The following PRTFDC1 variants were observed in gnomAD, a reference collection of about 807,000 sequenced individuals.
The protein encoded by PRTFDC1 is phosphoribosyltransferase domain-containing protein 1.
A neutral mutation model predicts 34.6 loss-of-function variants in PRTFDC1; 38 were observed. That is an observed-to-expected ratio of 1.10 (90% CI 0.85 to 1.44). The LOEUF (loss-of-function observed/expected upper bound fraction) is 1.44, where lower values mean the gene tolerates loss of function less well. PRTFDC1 is among the 40% of genes most tolerant of loss of function. PRTFDC1 has a pLI of 0.00. For synonymous variants in PRTFDC1, 93 were observed against 98.1 expected (o/e 0.95, Z 0.31); for missense variants, 270 against 283.0 (o/e 0.95, Z 0.33).
chr10:24,862,303 C>T (rs1168943130), intron 4 of PRTFDC1, among the ~76,000 whole-genome samples: 1 of 152,108 alleles, frequency 6.6e-6, no homozygotes, highest in Non-Finnish European at 1.5e-5. Context: ...CAACCTATAC[C>T]ATGGATTGGA....
chr10:24,949,735 A>ATTTTT (rs758571429), intron 1 of PRTFDC1, among the ~76,000 whole-genome samples: 1 of 140,024 alleles, frequency 7.1e-6, no homozygotes, highest in African/African-American at 2.6e-5. Context: ...TTATTTATTT[A>ATTTTT]TTTATTTTTT....
At chr10:24,945,320 C>T (rs960965646) in intron 1 of PRTFDC1, among the ~76,000 whole-genome samples, 4 of 152,180 alleles carry the variant, frequency 2.6e-5, no homozygotes, top group Admixed American at 1.3e-4. Flanking sequence ...CTCCATCTTC[C>T]GGCTACCTGA....
Position 24,875,908 on chromosome 10 carries a change from C to T in PRTFDC1, c.340-3845G>A, listed in dbSNP as rs565997082. Among the ~76,000 whole-genome samples, 24 of 142,160 alleles carry T rather than the reference C, an allele frequency of 1.7e-4. 1 individual carries two copies. Among genetic ancestry groups the T allele is most frequent in the African/African-American group, 2.6e-4 (10 of 37,962 alleles). The allele number at this position is 142,160 out of a possible 152,430, so 93.3% of individuals were successfully genotyped here. On this transcript the variant is annotated intron_variant, in intron 3 of 8. Transcript: ENST00000320152. ...TCTTGTTCTGTCATCCAGGCTGGAG[C>T]GCAGTGATGTAATCATAGCTCATTG...
At chr10:24,877,150 A>G (rs1425103999) in intron 3 of PRTFDC1, among the ~76,000 whole-genome samples, 1 of 152,050 alleles carries the variant, frequency 6.6e-6, no homozygotes, top group Admixed American at 6.6e-5. Context: ...TTTCTCTATT[A>G]GGCTGAGTCA....
intron 3 of PRTFDC1, among the ~76,000 whole-genome samples, chr10:24,918,350 T>C (rs200614408): frequency 2.7e-5 from 4 of 147,374 alleles, no homozygotes; most frequent in South Asian, 4.4e-4. Context: ...CATATCATAT[T>C]ATATATATCC....
At chr10:24,922,171 A>T (rs1286966294) in intron 3 of PRTFDC1, among the ~76,000 whole-genome samples, 1 of 152,238 alleles carries the variant, frequency 6.6e-6, no homozygotes, top group Non-Finnish European at 1.5e-5. Context: ...CTTGATGCTA[A>T]ATTTTACATT....
At position 24,858,390 on chromosome 10, in the gene PRTFDC1, A is replaced by G; in HGVS notation, c.423+2T>C. On this transcript the variant is annotated splice_donor_variant, in intron 5 of 8. Transcript: ENST00000320152. LOFTEE classifies it high-confidence loss of function. ...AGTATGGAAAAGGAAATGCCAGCTT[A>G]CCTCAACAATGAGAACATTCTGAAA... is the stretch of plus-strand genomic sequence containing the variant. 1 of 1,613,214 alleles carries G rather than the reference A, an allele frequency of 6.2e-7. No homozygotes were observed. Among genetic ancestry groups the G allele is most frequent in the Non-Finnish European group, 8.5e-7 (1 of 1,179,234 alleles).
chr10:24,918,115 A>C (rs894259790), intron 3 of PRTFDC1, among the ~76,000 whole-genome samples: 1 of 152,162 alleles, frequency 6.6e-6, no homozygotes, highest in Non-Finnish European at 1.5e-5. Flanking sequence ...GGGAGTCCCA[A>C]TGATCTTCAC....
intron 3 of PRTFDC1, among the ~76,000 whole-genome samples, chr10:24,878,332 C>T (rs891858125): frequency 6.6e-6 from 1 of 152,062 alleles, no homozygotes; most frequent in African/African-American, 2.4e-5. Flanking sequence ...GAGCCCAGTT[C>T]AATCCTAGAT....
chr10:24,905,591 G>T (rs188044270), intron 3 of PRTFDC1, among the ~76,000 whole-genome samples: 6 of 152,146 alleles, frequency 3.9e-5, no homozygotes, highest in African/African-American at 1.4e-4. Context: ...GGGATTACAA[G>T]GGTGAGCCAC....
chr10:24,949,731 A>ATTTT, intron 1 of PRTFDC1, among the ~76,000 whole-genome samples: 1 of 114,378 alleles, frequency 8.7e-6, no homozygotes, highest in Admixed American at 9.4e-5. Context: ...TTATTTATTT[A>ATTTT]TTTATTTATT....
At chr10:24,867,868 A>G (rs1222245212) in intron 4 of PRTFDC1, 2 of 147,484 alleles carry the variant, frequency 1.4e-5, no homozygotes, top group Non-Finnish European at 3.0e-5. Context: ...CAGTGGCATG[A>G]TCTTGGCTCA....
chr10:24,910,776 A>T (rs931517271), intron 3 of PRTFDC1, among the ~76,000 whole-genome samples: 1 of 152,230 alleles, frequency 6.6e-6, no homozygotes, highest in African/African-American at 2.4e-5. Context: ...AATAGTGATT[A>T]CTCATGACTT....
chr10:24,942,953 T>C (rs1849191281), intron 1 of PRTFDC1, among the ~76,000 whole-genome samples: 1 of 152,012 alleles, frequency 6.6e-6, no homozygotes, highest in Non-Finnish European at 1.5e-5. Flanking sequence ...TGGCCTATCA[T>C]ACAATAAAAA....
At chr10:24,948,997 T>G (rs370693043) in intron 1 of PRTFDC1, among the ~76,000 whole-genome samples, 8 of 152,266 alleles carry the variant, frequency 5.3e-5, no homozygotes, top group East Asian at 1.9e-4. Context: ...TTACTTAATC[T>G]CTCAGTGCCT....
chr10:24,855,445 T>C, intron 6 of PRTFDC1, 81 bp from the exon 7 acceptor site: 5 of 1,535,648 alleles, frequency 3.3e-6, no homozygotes, highest in Non-Finnish European at 4.5e-6. Context: ...CATTAAAAGA[T>C]GTACTTGAAA....
chr10:24,939,579 G>T lies in PRTFDC1; in HGVS notation c.156-2212C>A, dbSNP rs951663967. Among the ~76,000 whole-genome samples, 7 of 151,670 alleles carry T rather than the reference G, an allele frequency of 4.6e-5. 1 individual carries two copies. Among genetic ancestry groups the T allele is most frequent in the African/African-American group, 1.7e-4 (7 of 41,360 alleles). ...AGGCCAAGGCAGGCAGATCCCTTCA[G>T]GTCAGGAGATCAAGACCATCCTGGC... On this transcript the variant is annotated intron_variant, in intron 2 of 8. Coordinates refer to ENST00000320152, the MANE Select transcript of PRTFDC1 (RefSeq NM_020200.7).
At position 24,849,598 on chromosome 10, in the gene PRTFDC1, T is replaced by G; in HGVS notation, c.*246A>C. 2.2e-6 allele frequency: 1 copy of G among 446,328 alleles called. No homozygotes were observed. The allele number at this position is 446,328 out of a possible 1,614,324, so 27.6% of individuals were successfully genotyped here. A position where few individuals can be genotyped will look rare whatever the true frequency, so the allele number is the denominator to read the frequency against. ...TCAGGAGTGTGAAGGTAGATAGCATTGCTGAGTCACAAGGCGGAGTGTTTA... is the reference window on the plus strand; with the variant it reads ...TCAGGAGTGTGAAGGTAGATAGCATGGCTGAGTCACAAGGCGGAGTGTTTA... On this transcript the variant is annotated 3_prime_UTR_variant, in exon 9 of 9. Coordinates refer to ENST00000320152, the MANE Select transcript of PRTFDC1 (RefSeq NM_020200.7).
At chr10:24,949,079 T>C (rs1849296450) in intron 1 of PRTFDC1, among the ~76,000 whole-genome samples, 1 of 152,170 alleles carries the variant, frequency 6.6e-6, no homozygotes, top group Non-Finnish European at 1.5e-5. Context: ...AAATGCTTGC[T>C]ATTATTACCT....
Sources: allele counts gnomAD v4.1 joint callset (sites outside exome capture counted in the v4.1 genomes callset), GRCh38; gene constraint gnomAD v4.1.1; transcripts MANE v1.5; gene names NCBI Gene and HGNC (gene_info 2026-07-23, HGNC 2026-07-21).